Variants in SNX31 observed in about 807,000 individuals in gnomAD.
The protein encoded by SNX31 is sorting nexin 31, also known as sorting nexin-31.
SNX31 carries 58 observed loss-of-function variants against 65.4 expected under a neutral mutation model. That is an observed-to-expected ratio of 0.89 (90% CI 0.72 to 1.10). The LOEUF is 1.10. Among genes scored for constraint, SNX31 ranks in the 50% least tolerant of loss-of-function variants. SNX31 has a pLI of 0.00. For synonymous variants in SNX31, 181 were observed against 190.1 expected (o/e 0.95, Z 0.39); for missense variants, 523 against 529.7 (o/e 0.99, Z 0.12).
At chr8:100,639,468 A>G (rs188366479) in intron 2 of SNX31, among the ~76,000 whole-genome samples, 5 of 152,334 alleles carry the variant, frequency 3.3e-5, no homozygotes, top group Non-Finnish European at 5.9e-5. Flanking sequence ...ACATGTGTAT[A>G]CAGAATCAAA....
intron 4 of SNX31, chr8:100,618,424 T>G (rs1010554863): frequency 5.1e-6 from 5 of 983,382 alleles, no homozygotes; most frequent in Non-Finnish European, 6.1e-6. Flanking sequence ...GGTGTTTCCA[T>G]GTAGCAACCA....
At chr8:100,608,284 C>G (rs1816363059) in intron 8 of SNX31, among the ~76,000 whole-genome samples, 1 of 151,798 alleles carries the variant, frequency 6.6e-6, no homozygotes, top group Non-Finnish European at 1.5e-5. Context: ...TTTATCATCC[C>G]CCAACAAAAA....
chr8:100,641,587 TATATATATACACATAC>T (rs1261342690), intron 2 of SNX31, among the ~76,000 whole-genome samples: 27 of 23,430 alleles, frequency 1.2e-3, no homozygotes, highest in African/African-American at 6.8e-3. Context: ...TATATATATA[TATATATATACACATAC>T]ACACACACAC....
At chr8:100,659,810 T>C (rs999805952) in intron 1 of SNX31, among the ~76,000 whole-genome samples, 1 of 152,196 alleles carries the variant, frequency 6.6e-6, no homozygotes, top group Non-Finnish European at 1.5e-5. Context: ...ACTCTGGCTT[T>C]ATAAGTTACC....
At position 100,613,063 on chromosome 8, in the gene SNX31, A is replaced by G. The variant is rs779968185; in HGVS notation, c.455T>C (p.Leu152Pro). 5.0e-6 allele frequency: 8 copies of G among 1,613,940 alleles called. No homozygotes were observed. The highest frequency in any genetic ancestry group is 5.9e-6 in the Non-Finnish European group (7 of 1,179,982). ...VLEVVSHKIG[L>P]CRELLGYFGL... Reference sequence around the variant, plus strand: ...GAAGTAGCCCAAGAGCTCTCGACACAGTCCAATTTTGTGTGACACCACCTT... The same window carrying G: ...GAAGTAGCCCAAGAGCTCTCGACACGGTCCAATTTTGTGTGACACCACCTT... The change falls in exon 6 of 14, where the codon CTG becomes CCG. Residue 152 changes from leucine to proline, a missense_variant. Coordinates refer to ENST00000311812, the MANE Select transcript of SNX31 (RefSeq NM_152628.4). This position sits in a 1 kb window ranked among gnomAD's most constrained non-coding sequence, Gnocchi z 5.2.
chr8:100,655,782 G>A (rs1401524480), intron 1 of SNX31, among the ~76,000 whole-genome samples: 3 of 152,162 alleles, frequency 2.0e-5, no homozygotes, highest in African/African-American at 7.2e-5. Flanking sequence ...TGCAGCTGCT[G>A]GGCCAAGAAG....
chr8:100,642,901 C>T (rs1222300966), intron 2 of SNX31, among the ~76,000 whole-genome samples: 1 of 151,962 alleles, frequency 6.6e-6, no homozygotes, highest in African/African-American at 2.4e-5. Context: ...TTCATAAACC[C>T]CAGAACAGGG....
upstream of SNX31, among the ~76,000 whole-genome samples, chr8:100,650,842 G>GTTTT (rs200189569): frequency 9.6e-6 from 1 of 103,814 alleles, no homozygotes; most frequent in African/African-American, 5.7e-5. Flanking sequence ...TGTTTTTTGT[G>GTTTT]TTTTTTTGTT....
intron 12 of SNX31, chr8:100,582,287 T>C (rs1348048174): frequency 6.6e-6 from 1 of 152,238 alleles, no homozygotes; most frequent in Non-Finnish European, 1.5e-5. Context: ...TAGCTTACAT[T>C]TTTTTCATCC....
In SNX31 at chr8:100,625,393, G is replaced by T; in HGVS notation, c.321+4934C>A. Among the ~76,000 whole-genome samples the T allele has an allele frequency of 6.7e-6, 1 of 149,546 alleles. No homozygotes were observed. Among genetic ancestry groups the T allele is most frequent in the Non-Finnish European group, 1.5e-5 (1 of 67,516 alleles). On this transcript the variant is annotated intron_variant, in intron 4 of 13. Transcript: ENST00000311812. The surrounding 1 kb of genome is among the most constrained non-coding windows in gnomAD (Gnocchi z 4.2). ...TCCACATATGGATTTTCTTGGATGC[G>T]CACCATGGCTATTAGACATTCCTCT... is the stretch of plus-strand genomic sequence containing the variant.
At chr8:100,645,845 A>G (rs1819596375) in intron 2 of SNX31, among the ~76,000 whole-genome samples, 1 of 152,160 alleles carries the variant, frequency 6.6e-6, no homozygotes, top group African/African-American at 2.4e-5. Flanking sequence ...TCCCGAGCTC[A>G]GGCAGTCCAC....
chr8:100,609,242 A>G lies in SNX31; in HGVS notation c.612-679T>C, dbSNP rs112189546. On this transcript the variant is annotated intron_variant, in intron 7 of 13. Transcript: ENST00000311812. The surrounding 1 kb of genome is among the most constrained non-coding windows in gnomAD (Gnocchi z 4.9). Reference sequence around the variant, plus strand: ...CCCTGCCTGGAAGACCAAGGCCCTCACCAGTCTCCTCCCCTGACTGATTGG... The same window carrying G: ...CCCTGCCTGGAAGACCAAGGCCCTCGCCAGTCTCCTCCCCTGACTGATTGG... Among the ~76,000 whole-genome samples the G allele has an allele frequency of 0.023, 3,508 of 152,142 alleles. 117 individuals are homozygous for G. The highest frequency in any genetic ancestry group is 0.075 in the African/African-American group (3,123 of 41,504).
chr8:100,612,221 C>T lies in SNX31; in HGVS notation c.524-134G>A, dbSNP rs1816775032. 1 of 593,900 alleles carries T rather than the reference C, an allele frequency of 1.7e-6. No homozygotes were observed. Among genetic ancestry groups the T allele is most frequent in the Admixed American group, 3.4e-5 (1 of 29,790 alleles). The allele number at this position is 593,900 out of a possible 1,614,324, so 36.8% of individuals were successfully genotyped here. On this transcript the variant is annotated intron_variant, in intron 6 of 13. Transcript: ENST00000311812. The surrounding 1 kb of genome is among the most constrained non-coding windows in gnomAD (Gnocchi z 4.3). ...ACAGTAAGAATATCCTCTGTATTTACACGTAATTTTAACTTTCTGAAGTTC... is the reference window on the plus strand; with the variant it reads ...ACAGTAAGAATATCCTCTGTATTTATACGTAATTTTAACTTTCTGAAGTTC...
At chr8:100,595,422 C>A (rs774093935) in intron 10 of SNX31, among the ~76,000 whole-genome samples, 3 of 151,942 alleles carry the variant, frequency 2.0e-5, no homozygotes, top group Non-Finnish European at 4.4e-5. Context: ...GATCCTCCCA[C>A]CTCAGCCTCC....
At chr8:100,605,207 G>A (rs1816037092) in intron 8 of SNX31, among the ~76,000 whole-genome samples, 1 of 152,088 alleles carries the variant, frequency 6.6e-6, no homozygotes, top group Non-Finnish European at 1.5e-5. Flanking sequence ...CCACTTCTTA[G>A]TCTTTCACAT....
intron 2 of SNX31, among the ~76,000 whole-genome samples, chr8:100,644,002 TG>T (rs1326135760): frequency 2.0e-5 from 3 of 152,152 alleles, no homozygotes; most frequent in Non-Finnish European, 4.4e-5. Context: ...GAGAAACGAT[TG>T]CTCCCTTGAC....
intron 9 of SNX31, among the ~76,000 whole-genome samples, chr8:100,597,219 A>G (rs1346221831): frequency 6.6e-6 from 1 of 152,168 alleles, no homozygotes; most frequent in Non-Finnish European, 1.5e-5. Flanking sequence ...AGATTATAAT[A>G]GCAAGTAAAC....
chr8:100,635,921 G>C lies in SNX31; in HGVS notation c.232C>G (p.Gln78Glu). The C allele has an allele frequency of 6.2e-7, 1 of 1,613,518 alleles. No homozygotes were observed. Among genetic ancestry groups the C allele is most frequent in the African/African-American group, 1.3e-5 (1 of 74,992 alleles). ...CCATTTTGCAAATATTGTTCCAGTT[G>C]GTCCCTCCTCTCATCAGCCATAGCT... The part of the protein sequence containing the change: ...TTAMADERRD[Q>E]LEQYLQNVTM... Residue 78 changes from glutamine to glutamate, a missense_variant, in exon 3 of 14, where the codon CAA becomes GAA. By Grantham distance (29) the Gln-to-Glu change is conservative (BLOSUM62 2). Coordinates refer to ENST00000311812, the MANE Select transcript of SNX31 (RefSeq NM_152628.4).
chr8:100,633,394 G>A (rs1008057603), intron 3 of SNX31, among the ~76,000 whole-genome samples: 14 of 151,996 alleles, frequency 9.2e-5, no homozygotes, highest in African/African-American at 3.1e-4. Flanking sequence ...AATACACAAA[G>A]TATTTTATTT....
Sources: gnomAD v4.1 joint callset for allele counts (sites outside exome capture counted in the v4.1 genomes callset) on GRCh38, gnomAD v4.1.1 for gene constraint, Gnocchi (gnomAD v3.1) non-coding constraint, MANE v1.5 for transcripts, NCBI Gene and HGNC (gene_info 2026-07-23, HGNC 2026-07-21) for gene names.